CDH12: variants seen among roughly 807,000 people sequenced by gnomAD.
The protein encoded by CDH12 is cadherin-12.
CDH12 carries 41 observed loss-of-function variants against 74.1 expected under a neutral mutation model. The observed-to-expected ratio is 0.55, with a 90% CI of 0.43 to 0.72. CDH12 has a LOEUF of 0.72. Among genes scored for constraint, CDH12 ranks in the 30% least tolerant of loss-of-function variants. The pLI is 0.00. For synonymous variants in CDH12, 399 were observed against 355.0 expected, an observed-to-expected ratio of 1.12 and a Z score of -1.39; for missense variants, 945 against 977.2, an observed-to-expected ratio of 0.97 and a Z score of 0.44.
intron 1 of CDH12, among the ~76,000 whole-genome samples, chr5:22,805,739 A>G (rs1748748923): frequency 2.6e-5 from 4 of 152,058 alleles, no homozygotes; most frequent in Non-Finnish European, 5.9e-5. Context: ...TGCACGTGCC[A>G]TGGTAGTTTG....
chr5:21,853,427 A>C (rs1222974284), intron 7 of CDH12, among the ~76,000 whole-genome samples: 1 of 151,588 alleles, frequency 6.6e-6, no homozygotes, highest in African/African-American at 2.4e-5. Context: ...TTTCAGGTTT[A>C]CATAACGGAG....
At chr5:22,821,941 A>G (rs1055358834) in intron 1 of CDH12, among the ~76,000 whole-genome samples, 3 of 152,038 alleles carry the variant, frequency 2.0e-5, no homozygotes, top group Non-Finnish European at 4.4e-5. Context: ...CTAAGCCAAA[A>G]GAACAAAGCT....
chr5:22,603,502 C>G (rs1255791915), intron 1 of CDH12, among the ~76,000 whole-genome samples: 1 of 152,086 alleles, frequency 6.6e-6, no homozygotes, highest in Non-Finnish European at 1.5e-5. Flanking sequence ...AAGCCTGGTG[C>G]TGAAGCACCA....
At chr5:22,239,212 C>A (rs1752662597) in intron 3 of CDH12, among the ~76,000 whole-genome samples, 1 of 152,176 alleles carries the variant, frequency 6.6e-6, no homozygotes, top group South Asian at 2.1e-4. Context: ...CTCTCTGTTT[C>A]AGAAGCATTG....
At chr5:22,840,267 C>T (rs995610424) in intron 1 of CDH12, among the ~76,000 whole-genome samples, 5 of 152,086 alleles carry the variant, frequency 3.3e-5, no homozygotes, top group East Asian at 1.9e-4. Flanking sequence ...ACTACAGGTG[C>T]GAGCCACCAT....
At chr5:22,523,969 T>TTTATTA (rs199923576) in intron 1 of CDH12, among the ~76,000 whole-genome samples, 15 of 144,410 alleles carry the variant, frequency 1.0e-4, no homozygotes, top group African/African-American at 2.3e-4. Flanking sequence ...GCTTCATTCA[T>TTTATTA]TTATTATTAT....
intron 3 of CDH12, among the ~76,000 whole-genome samples, chr5:22,236,957 G>C (rs1177297983): frequency 7.7e-6 from 1 of 129,520 alleles, no homozygotes; most frequent in Admixed American, 7.7e-5. Context: ...GCTGTTTTAT[G>C]GCTCTTTTTT....
chr5:22,806,614 A>T (rs1282702974), intron 1 of CDH12, among the ~76,000 whole-genome samples: 1 of 152,010 alleles, frequency 6.6e-6, no homozygotes, highest in Non-Finnish European at 1.5e-5. Context: ...TCGGCCTCCC[A>T]AAGTGCTGGG....
chr5:22,423,639 TATC>T (rs912615787), intron 2 of CDH12, among the ~76,000 whole-genome samples: 1 of 152,080 alleles, frequency 6.6e-6, no homozygotes, highest in Non-Finnish European at 1.5e-5. Context: ...CCAAGTGAAA[TATC>T]ATAGAGATTA....
At chr5:22,697,528 C>T (rs2126953533) in intron 1 of CDH12, among the ~76,000 whole-genome samples, 1 of 142,508 alleles carries the variant, frequency 7.0e-6, no homozygotes, top group South Asian at 2.2e-4. Context: ...GCCGAGATAG[C>T]ACCACTGCAC....
At chr5:22,024,810 G>A (rs373510094) in intron 5 of CDH12, among the ~76,000 whole-genome samples, 2 of 152,086 alleles carry the variant, frequency 1.3e-5, no homozygotes, top group South Asian at 4.1e-4. Flanking sequence ...CACCATGCCT[G>A]GCCAAAAGCA....
intron 4 of CDH12, among the ~76,000 whole-genome samples, chr5:22,158,783 C>T (rs1392945844): frequency 3.3e-5 from 5 of 151,996 alleles, no homozygotes; most frequent in Non-Finnish European, 7.4e-5. Flanking sequence ...GTGTTCTGAT[C>T]CACTTCAACA....
intron 1 of CDH12, among the ~76,000 whole-genome samples, chr5:22,670,780 G>C (rs1227275566): frequency 6.6e-6 from 1 of 151,928 alleles, no homozygotes; most frequent in East Asian, 1.9e-4. Flanking sequence ...TAACGTAGGT[G>C]TTTGGTTCCT....
rs569229610 is a variant in CDH12, at chr5:22,786,978, A to C, written c.-523+66080T>G. 1.5e-4 allele frequency among the ~76,000 whole-genome samples: 23 copies of C among 152,082 alleles called. 1 individual carries two copies. Among genetic ancestry groups the C allele is most frequent in the Admixed American group, 1.4e-3 (21 of 15,240 alleles). On this transcript the variant is annotated intron_variant, in intron 1 of 14. Coordinates refer to ENST00000382254, the MANE Select transcript of CDH12 (RefSeq NM_004061.5). ...CAGATGATCTGCCCGCCTCAGCAAA[A>C]ATTCAGCCCTCACACCTTTTTGATT...
At chr5:22,452,238 A>G (rs1317761350) in intron 2 of CDH12, among the ~76,000 whole-genome samples, 1 of 151,990 alleles carries the variant, frequency 6.6e-6, no homozygotes, top group Non-Finnish European at 1.5e-5. Context: ...TTTCTATGGA[A>G]CCACAAAATA....
intron 1 of CDH12, among the ~76,000 whole-genome samples, chr5:22,698,708 TATATATATATATATATATATATATATA>T (rs1239447154): frequency 0.22 from 4,240 of 18,904 alleles, 632 homozygotes; most frequent in African/African-American, 0.43. Context: ...TATATATATA[TATATATATATATATATATATATATATA>T]GTGTGTGTGT....
intron 4 of CDH12, among the ~76,000 whole-genome samples, chr5:22,193,304 A>C (rs1361200536): frequency 6.6e-6 from 1 of 152,248 alleles, no homozygotes; most frequent in African/African-American, 2.4e-5. Flanking sequence ...ATTCTAACCA[A>C]GAGCATAAGG....
At chr5:22,673,612 TTAC>T (rs1741015838) in intron 1 of CDH12, among the ~76,000 whole-genome samples, 3 of 152,136 alleles carry the variant, frequency 2.0e-5, no homozygotes, top group Admixed American at 2.0e-4. Context: ...ATAAGGATAT[TTAC>T]CTAAGCTCAC....
At chr5:22,601,814 G>A (rs1241019611) in intron 1 of CDH12, among the ~76,000 whole-genome samples, 1 of 151,994 alleles carries the variant, frequency 6.6e-6, no homozygotes, top group Admixed American at 6.6e-5. Flanking sequence ...GCAAATGCAG[G>A]ATGATTTCAC....
Sources: allele counts gnomAD v4.1 joint callset (sites outside exome capture counted in the v4.1 genomes callset), GRCh38; gene constraint gnomAD v4.1.1; transcripts MANE v1.5; gene names NCBI Gene and HGNC (gene_info 2026-07-23, HGNC 2026-07-21).